DAB1: variants seen among roughly 807,000 people sequenced by gnomAD.
The protein encoded by DAB1 is DAB adaptor protein 1, also known as disabled homolog 1.
In DAB1, 15 loss-of-function variants were observed where a neutral mutation model predicts 64.6. The ratio of observed to expected loss-of-function variants is 0.23; its 90% CI spans 0.16 to 0.36. The LOEUF (loss-of-function observed/expected upper bound fraction) is 0.36, where lower values mean the gene tolerates loss of function less well. Ranked by LOEUF, DAB1 falls within the 10% of genes least tolerant of loss-of-function variation. The probability of loss-of-function intolerance (pLI) is 1.00; values close to 1 mark genes in which losing one functional copy is unlikely to be tolerated. For synonymous variants in DAB1, 235 were observed against 251.9 expected, an observed-to-expected ratio of 0.93 and a Z score of 0.64; for missense variants, 596 against 706.7, an observed-to-expected ratio of 0.84 and a Z score of 1.78.
intron 1 of DAB1, among the ~76,000 whole-genome samples, chr1:57,300,404 G>A (rs963341476): frequency 4.3e-4 from 66 of 152,226 alleles, no homozygotes; most frequent in African/African-American, 1.6e-3. Flanking sequence ...ACAGGGTGGA[G>A]CAAGGCAGAG....
chr1:57,748,835 T>C (rs1648412622), intron 6 of DAB1, among the ~76,000 whole-genome samples: 1 of 152,218 alleles, frequency 6.6e-6, no homozygotes, highest in Non-Finnish European at 1.5e-5. Context: ...GTGACATCAT[T>C]TGGCATGCTA....
chr1:57,470,059 G>A (rs1687087113), intron 7 of DAB1, among the ~76,000 whole-genome samples: 1 of 152,176 alleles, frequency 6.6e-6, no homozygotes, highest in African/African-American at 2.4e-5. Context: ...GTTCGAGGAT[G>A]AAAGAACACT....
chr1:57,169,014 C>T (rs759403240), intron 2 of DAB1, among the ~76,000 whole-genome samples: 1 of 152,078 alleles, frequency 6.6e-6, no homozygotes, highest in Non-Finnish European at 1.5e-5. Flanking sequence ...TATAATCATG[C>T]CACTGCACTC....
chr1:57,072,064 TAAAA>T (rs71800606), intron 5 of DAB1, among the ~76,000 whole-genome samples: 9 of 139,346 alleles, frequency 6.5e-5, no homozygotes, highest in Non-Finnish European at 6.2e-5. Context: ...ACCCATTAGT[TAAAA>T]AAAAAAAAAA....
chr1:58,510,914 G>A (rs957759158), intron 2 of DAB1, among the ~76,000 whole-genome samples: 4 of 151,902 alleles, frequency 2.6e-5, no homozygotes, highest in African/African-American at 9.7e-5. Context: ...ACCAAACTAA[G>A]GAGGTGAAAG....
chr1:58,150,562 T>C (rs1654863516), exon 5 of DAB1: 1 of 150,242 alleles, frequency 6.7e-6, no homozygotes, highest in Non-Finnish European at 1.5e-5. Flanking sequence ...GAATTTGCAT[T>C]TAGGTAAAAT....
At chr1:58,013,456 C>T (rs1646696950) in intron 5 of DAB1, among the ~76,000 whole-genome samples, 1 of 151,092 alleles carries the variant, frequency 6.6e-6, no homozygotes, top group Admixed American at 6.7e-5. Flanking sequence ...GCCTGAGCCA[C>T]ATGCTCCAAA....
At chr1:58,251,139 T>C (rs1327843649) in intron 4 of DAB1, among the ~76,000 whole-genome samples, 2 of 152,214 alleles carry the variant, frequency 1.3e-5, no homozygotes, top group Non-Finnish European at 2.9e-5. Flanking sequence ...GCACAGAGCT[T>C]GACACATGGT....
intron 7 of DAB1, among the ~76,000 whole-genome samples, chr1:57,472,139 G>T (rs1297006751): frequency 6.6e-6 from 1 of 152,222 alleles, no homozygotes; most frequent in Non-Finnish European, 1.5e-5. Flanking sequence ...GCAGAGCCAG[G>T]ATAACAACTT....
intron 5 of DAB1, among the ~76,000 whole-genome samples, chr1:57,922,053 T>C (rs1341431859): frequency 1.3e-5 from 2 of 152,242 alleles, no homozygotes; most frequent in Admixed American, 1.3e-4. Flanking sequence ...CCCTATCCTT[T>C]TCCTCCTCAC....
intron 5 of DAB1, among the ~76,000 whole-genome samples, chr1:57,924,087 T>C (rs989063591): frequency 1.3e-5 from 2 of 152,212 alleles, no homozygotes; most frequent in Non-Finnish European, 2.9e-5. Flanking sequence ...AAATAACCTT[T>C]GTATAGCACT....
intron 4 of DAB1, among the ~76,000 whole-genome samples, chr1:58,300,643 AGAGAGGAAGGAAGGAAGGAAGGAAGG>A (rs1662138246): frequency 3.7e-5 from 2 of 54,010 alleles, no homozygotes; most frequent in African/African-American, 1.4e-4. Context: ...AGAGAGAGAG[AGAGAGGAAGGAAGGAAGGAAGGAAGG>A]AAGGAAGGAA....
At chr1:58,200,684 T>A (rs1657948811) in intron 4 of DAB1, among the ~76,000 whole-genome samples, 1 of 152,208 alleles carries the variant, frequency 6.6e-6, no homozygotes, top group African/African-American at 2.4e-5. Flanking sequence ...GTAATTCAAT[T>A]GATTTTTTTT....
At chr1:57,441,586 T>G (rs1685963874) in intron 7 of DAB1, among the ~76,000 whole-genome samples, 1 of 152,060 alleles carries the variant, frequency 6.6e-6, no homozygotes, top group African/African-American at 2.4e-5. Flanking sequence ...ACTCCTGAGC[T>G]TAAGCAATCT....
chr1:57,348,897 C>A (rs1056659316), intron 1 of DAB1, among the ~76,000 whole-genome samples: 2 of 152,110 alleles, frequency 1.3e-5, no homozygotes, highest in African/African-American at 4.8e-5. Context: ...CTTGACCCAG[C>A]CTTTAACTCT....
chr1:57,772,992 A>G (rs1649628705), intron 6 of DAB1, among the ~76,000 whole-genome samples: 1 of 152,114 alleles, frequency 6.6e-6, no homozygotes, highest in Non-Finnish European at 1.5e-5. Flanking sequence ...AAATGAATGC[A>G]GAAATTGGAA....
At chr1:57,542,928 C>T (rs1644819347) in intron 7 of DAB1, among the ~76,000 whole-genome samples, 1 of 152,166 alleles carries the variant, frequency 6.6e-6, no homozygotes, top group South Asian at 2.1e-4. Flanking sequence ...AGATCACTTG[C>T]TCTGGGGGGA....
At chr1:57,473,970 G>A (rs532898619) in intron 7 of DAB1, among the ~76,000 whole-genome samples, 99 of 152,150 alleles carry the variant, frequency 6.5e-4, no homozygotes, top group African/African-American at 2.1e-3. Context: ...CCAGATTTAC[G>A]ATCAATATAA....
intron 2 of DAB1, among the ~76,000 whole-genome samples, chr1:57,220,415 C>A (rs1365080866): frequency 6.6e-6 from 1 of 152,158 alleles, no homozygotes; most frequent in Non-Finnish European, 1.5e-5. Context: ...CAACCATAAC[C>A]ATAATTAACA....
Sources: gnomAD v4.1 joint callset for allele counts (sites outside exome capture counted in the v4.1 genomes callset) on GRCh38, gnomAD v4.1.1 for gene constraint, MANE v1.5 for transcripts, NCBI Gene and HGNC (gene_info 2026-07-23, HGNC 2026-07-21) for gene names.